The following ZNF217 variants were observed in gnomAD, a reference collection of about 807,000 sequenced individuals.
ZNF217 encodes zinc finger protein 217.
Under a neutral mutation model 73.3 loss-of-function variants are expected in ZNF217, and 12 were observed. The observed-to-expected ratio is 0.16, with a 90% confidence interval of 0.10 to 0.27. The LOEUF (loss-of-function observed/expected upper bound fraction) is 0.27. Among genes scored for constraint, ZNF217 ranks in the 10% least tolerant of loss-of-function variants. The probability of loss-of-function intolerance (pLI) is 1.00; values close to 1 mark genes in which losing one functional copy is unlikely to be tolerated. For missense variants in ZNF217, 1,195 were observed against 1,327.8 expected, an observed-to-expected ratio of 0.90 and a Z score of 1.55; for synonymous variants, 588 against 516.4, an observed-to-expected ratio of 1.14 and a Z score of -1.88.
Position 53,577,122 on chromosome 20 carries a change from T to G in ZNF217, c.1642A>C (p.Thr548Pro). ...TTTTTGGTTTGCGCACTGTCAGCGG[T>G]TAATAGTGCATCTTCAGTGTCCTGA... ...KNQDTEDALL[T>P]ADSAQTKNLK... Residue 548 changes from threonine to proline, a missense_variant, in exon 4 of 6, where the codon ACC becomes CCC. Physicochemically the swap from Thr to Pro is conservative, Grantham distance 38. Coordinates refer to ENST00000371471, the MANE Select transcript of ZNF217 (RefSeq NM_006526.3). 1 of 1,614,236 alleles carries G rather than the reference T, an allele frequency of 6.2e-7. No homozygotes were observed. The highest frequency in any genetic ancestry group is 8.5e-7 in the Non-Finnish European group (1 of 1,180,048).
chr20:53,578,598 A>G (rs1335608583), intron 2 of ZNF217, 148 bp from the exon 3 acceptor site: 1 of 556,250 alleles, frequency 1.8e-6, no homozygotes, highest in Non-Finnish European at 3.2e-6. Context: ...AAACGGCTAG[A>G]CACACACCAA....
At chr20:53,571,357 G>C (rs1248688652) in intron 5 of ZNF217, among the ~76,000 whole-genome samples, 1 of 149,380 alleles carries the variant, frequency 6.7e-6, no homozygotes, top group Non-Finnish European at 1.5e-5. Context: ...CATTATATTA[G>C]ACAACTTAAT....
At chr20:53,588,506 A>G (rs1367778832) in intron 1 of ZNF217, among the ~76,000 whole-genome samples, 1 of 152,044 alleles carries the variant, frequency 6.6e-6, no homozygotes, top group Non-Finnish European at 1.5e-5. Flanking sequence ...ATTTCAGCAA[A>G]TTAATTAACT....
intron 1 of ZNF217, among the ~76,000 whole-genome samples, chr20:53,583,695 C>T (rs544310109): frequency 3.2e-4 from 49 of 152,348 alleles, no homozygotes; most frequent in African/African-American, 1.1e-3. Context: ...TTTGCACATA[C>T]AGAGGTCAAC....
chr20:53,582,873 C>T lies in ZNF217; in HGVS notation c.-47G>A. ...GCAATTTCTGGAGTTGGAATAAGGC[C>T]ACTTGTAAGACTTGTCACTCACCCC... On this transcript the variant is annotated 5_prime_UTR_variant, in exon 2 of 6. Coordinates refer to ENST00000371471, the MANE Select transcript of ZNF217 (RefSeq NM_006526.3). The surrounding 1 kb of genome is among the most constrained non-coding windows in gnomAD (Gnocchi z 4.8). 1 of 1,551,922 alleles carries T rather than the reference C, an allele frequency of 6.4e-7. No individual in the cohort carries two copies. Among genetic ancestry groups the T allele is most frequent in the Non-Finnish European group, 8.7e-7 (1 of 1,148,010 alleles).
Position 53,581,766 on chromosome 20 carries a change from G to T in ZNF217, c.1061C>A (p.Ser354Tyr). 1 of 1,614,254 alleles carries T rather than the reference G, an allele frequency of 6.2e-7. No individual in the cohort carries two copies. Among genetic ancestry groups the T allele is most frequent in the Non-Finnish European group, 8.5e-7 (1 of 1,180,044 alleles). The change falls in exon 2 of 6, where the codon TCC becomes TAC. Residue 354 changes from serine to tyrosine, a missense_variant. This residue lies in a region of ZNF217 where 102 missense variants were observed against 91.9 expected (regional missense o/e 1.11). Coordinates refer to ENST00000371471, the MANE Select transcript of ZNF217 (RefSeq NM_006526.3). This position sits in a 1 kb window ranked among gnomAD's most constrained non-coding sequence, Gnocchi z 4.9. ...LSQEKEKCKH[S>Y]HGEAPSVDAD... ...GTCCACGGAGGGCGCTTCGCCGTGG[G>T]AGTGTTTGCACTTCTCTTTCTCTTG...
chr20:53,573,325 T>C (rs1308309003), intron 4 of ZNF217, among the ~76,000 whole-genome samples: 3 of 152,146 alleles, frequency 2.0e-5, no homozygotes, highest in African/African-American at 7.2e-5. Context: ...GTTTCTCCAT[T>C]GTTGGTCAGG....
Position 53,576,502 on chromosome 20 carries a change from G to A in ZNF217, c.2262C>T (p.Thr754=), listed in dbSNP as rs141041836. Residue 754 remains threonine (T), a synonymous_variant, in exon 4 of 6, where the codon ACC becomes ACT. Transcript: ENST00000371471. The part of the protein sequence containing the change: ...RNKSLLRSRR[T]GCPPALLGKD... ...TTCCCAGCAACGCTGGCGGGCATCC[G>A]GTACGTCGACTTCTAAGCAAGGACT... is the stretch of plus-strand genomic sequence containing the variant. The A allele has an allele frequency of 7.1e-5, 114 of 1,614,214 alleles. No individual in the cohort carries two copies. The African/African-American group carries it at 1.2e-3, about 17-fold the overall frequency.
chr20:53,572,184 T>A (rs867707507), intron 4 of ZNF217, among the ~76,000 whole-genome samples: 3 of 152,198 alleles, frequency 2.0e-5, no homozygotes, highest in Non-Finnish European at 4.4e-5. Context: ...TTGCTTTTTT[T>A]AAAATCATTT....
At chr20:53,585,827 G>A (rs1355571264) in intron 1 of ZNF217, among the ~76,000 whole-genome samples, 1 of 152,088 alleles carries the variant, frequency 6.6e-6, no homozygotes, top group Non-Finnish European at 1.5e-5. Flanking sequence ...ATGAGGGCAG[G>A]CATTCTAGGC....
chr20:53,597,310 A>G (rs1989059479), upstream of ZNF217, among the ~76,000 whole-genome samples: 1 of 152,178 alleles, frequency 6.6e-6, no homozygotes. Context: ...GGGACGTAAA[A>G]GAATTCAGTG....
chr20:53,582,819 G>T lies in ZNF217; in HGVS notation c.8C>A (p.Ser3Ter). ...AGTTGGCATGTTTCCTGTCACTTTCGATTGCATATAATCTCAAAGTTCCGT... is the reference window on the plus strand; with the variant it reads ...AGTTGGCATGTTTCCTGTCACTTTCTATTGCATATAATCTCAAAGTTCCGT... MQ[S>*]KVTGNMPTQS... Residue 3 changes from serine to a stop codon, truncating the protein, a stop_gained, in exon 2 of 6, where the codon TCG becomes TAG. Coordinates refer to ENST00000371471, the MANE Select transcript of ZNF217 (RefSeq NM_006526.3). LOFTEE classifies it high-confidence loss of function. This position sits in a 1 kb window ranked among gnomAD's most constrained non-coding sequence, Gnocchi z 4.8. 1 of 1,598,154 alleles carries T rather than the reference G, an allele frequency of 6.3e-7. No individual in the cohort carries two copies. Among genetic ancestry groups the T allele is most frequent in the Non-Finnish European group, 8.5e-7 (1 of 1,170,484 alleles).
intron 1 of ZNF217, among the ~76,000 whole-genome samples, chr20:53,587,707 G>A (rs554088996): frequency 1.3e-5 from 2 of 150,198 alleles, no homozygotes; most frequent in East Asian, 3.9e-4. Flanking sequence ...GCTATTCTCT[G>A]GCCAATGCAT....
chr20:53,595,745 T>A (rs564652580), upstream of ZNF217, among the ~76,000 whole-genome samples: 1 of 152,350 alleles, frequency 6.6e-6, no homozygotes, highest in Non-Finnish European at 1.5e-5. Flanking sequence ...GATGAATACC[T>A]ATCTTTAAAA....
In ZNF217 at chr20:53,581,392, AGAGAGGGG is replaced by A. The variant is rs538760275; in HGVS notation, c.1366+61_1366+68del. 1 of 1,519,550 alleles carries A rather than the reference AGAGAGGGG, an allele frequency of 6.6e-7. No individual in the cohort carries two copies. Among genetic ancestry groups the A allele is most frequent in the South Asian group, 1.3e-5 (1 of 78,100 alleles). 94.1% of individuals were successfully genotyped at this position (1,519,550 alleles called of 1,614,324 possible). On this transcript the variant is annotated intron_variant, in intron 2 of 5. Coordinates refer to ENST00000371471, the MANE Select transcript of ZNF217 (RefSeq NM_006526.3). This position sits in a 1 kb window ranked among gnomAD's most constrained non-coding sequence, Gnocchi z 4.9. ...GCCAGCGTTGTCTGGAGATGGGAATAGAGAGGGGGAGACGGGGAGACAGACAGACACAG... is the reference window on the plus strand; with the variant it reads ...GCCAGCGTTGTCTGGAGATGGGAATAGAGACGGGGAGACAGACAGACACAG...
intron 1 of ZNF217, among the ~76,000 whole-genome samples, chr20:53,587,427 G>A (rs1158729699): frequency 2.0e-5 from 3 of 152,112 alleles, no homozygotes; most frequent in Non-Finnish European, 4.4e-5. Flanking sequence ...ACTGTAACTT[G>A]GGAATATTTT....
intron 4 of ZNF217, chr20:53,572,878 G>A (rs1223071195): frequency 6.6e-6 from 1 of 152,166 alleles, no homozygotes; most frequent in African/African-American, 2.4e-5. Flanking sequence ...ACACCTGTAC[G>A]AAGTGACACC....
rs555326422 is a variant in ZNF217 at position 53,582,128 on chromosome 20, C to T, written c.699G>A (p.Glu233=). The stretch of plus-strand genomic sequence containing the variant: ...TTTTTTTGGTGTGCACCTTGCGGTG[C>T]TCAATTAGACTTTCTTTATTTGGAA... ...FLFPNKESLI[E]HRKVHTKKTA... is the part of the protein sequence containing the mutation. The change falls in exon 2 of 6, where the codon GAG becomes GAA. Residue 233 remains glutamate (E), a synonymous_variant. Coordinates refer to ENST00000371471, the MANE Select transcript of ZNF217 (RefSeq NM_006526.3). This position sits in a 1 kb window ranked among gnomAD's most constrained non-coding sequence, Gnocchi z 4.8. 6.2e-7 allele frequency: 1 copy of T among 1,614,220 alleles called. No homozygotes were observed. Among genetic ancestry groups the T allele is most frequent in the Non-Finnish European group, 8.5e-7 (1 of 1,180,046 alleles).
At chr20:53,574,887 A>C (rs1401043327) in intron 4 of ZNF217, 1 of 152,236 alleles carries the variant, frequency 6.6e-6, no homozygotes, top group Admixed American at 6.5e-5. Flanking sequence ...ACATGTGCAA[A>C]GGAAGAAAAA....
Sources: gnomAD v4.1 joint callset for allele counts (sites outside exome capture counted in the v4.1 genomes callset) on GRCh38, gnomAD v4.1.1 for gene constraint, gnomAD v4.1.1 regional missense constraint, Gnocchi (gnomAD v3.1) non-coding constraint, MANE v1.5 for transcripts, NCBI Gene and HGNC (gene_info 2026-07-23, HGNC 2026-07-21) for gene names.